MGST1: variants seen among roughly 807,000 people sequenced by gnomAD.
MGST1 encodes the protein microsomal glutathione S-transferase 1.
MGST1 carries 5 observed loss-of-function variants against 8.9 expected under a neutral mutation model. The observed-to-expected ratio is 0.56, with a 90% CI of 0.29 to 1.19. The LOEUF is 1.19. Among genes scored for constraint, MGST1 ranks in the 50% most tolerant of loss-of-function variants. The pLI, the probability that MGST1 is intolerant of heterozygous loss-of-function variation, is 0.08. For missense variants in MGST1, 182 were observed against 187.4 expected, an observed-to-expected ratio of 0.97 and a Z score of 0.17; for synonymous variants, 54 against 67.8, an observed-to-expected ratio of 0.80 and a Z score of 1.00.
chr12:16,449,258 T>C (rs550948037), intron 4 of MGST1, among the ~76,000 whole-genome samples: 48 of 151,970 alleles, frequency 3.2e-4, no homozygotes, highest in African/African-American at 1.1e-3. Context: ...GGGAGGTCAG[T>C]GTATCACATA....
rs1460658960 is a variant in MGST1 at position 16,458,586 on chromosome 12, A to C, written n.482+74982A>C. ...TTTATCAATGAATCTTGGCTGTACA[A>C]GGAAAAGTATTGCTTTAATATGTGT... On this transcript the variant is annotated intron_variant and non_coding_transcript_variant, in intron 4 of 4. Transcript: ENST00000538857. This position sits in a 1 kb window ranked among gnomAD's most constrained non-coding sequence, Gnocchi z 4.0. Among the ~76,000 whole-genome samples, 2 of 152,054 alleles carry C rather than the reference A, an allele frequency of 1.3e-5. No homozygotes were observed. The highest frequency in any genetic ancestry group is 4.8e-5 in the African/African-American group (2 of 41,434).
At chr12:16,461,596 A>C (rs1941221900) in intron 4 of MGST1, among the ~76,000 whole-genome samples, 1 of 152,150 alleles carries the variant, frequency 6.6e-6, no homozygotes, top group African/African-American at 2.4e-5. Context: ...GTCTGTTTCT[A>C]AATAAACATG....
intron 4 of MGST1, among the ~76,000 whole-genome samples, chr12:16,457,017 A>G (rs796344248): frequency 4.6e-5 from 7 of 151,886 alleles, no homozygotes; most frequent in African/African-American, 1.4e-4. Context: ...CTGACTTGTC[A>G]CTCCGTGCAT....
intron 4 of MGST1, among the ~76,000 whole-genome samples, chr12:16,481,732 A>G (rs918735121): frequency 5.9e-5 from 9 of 152,106 alleles, no homozygotes; most frequent in Admixed American, 2.0e-4. Context: ...AATATAAAAT[A>G]ACGGTTATAA....
intron 4 of MGST1, among the ~76,000 whole-genome samples, chr12:16,511,214 T>C (rs1013033852): frequency 6.6e-6 from 1 of 152,268 alleles, no homozygotes; most frequent in South Asian, 2.1e-4. Flanking sequence ...TTATTCCTCC[T>C]GATAGTCATT....
rs528095049 is a variant in MGST1, at chr12:16,546,376, T to C, written n.483-43152T>C. Among the ~76,000 whole-genome samples the C allele has an allele frequency of 6.6e-6, 1 of 152,240 alleles. No individual in the cohort carries two copies. The highest frequency in any genetic ancestry group is 1.5e-5 in the Non-Finnish European group (1 of 67,990). On this transcript the variant is annotated intron_variant and non_coding_transcript_variant, in intron 4 of 4. Coordinates refer to the MGST1 transcript ENST00000538857. This position sits in a 1 kb window ranked among gnomAD's most constrained non-coding sequence, Gnocchi z 4.7. ...CCAAAATATTCTGTAATCACCCCGG[T>C]GATACCAATTTCGAGTATTCAGCTT...
In MGST1 at chr12:16,589,229, T is replaced by A. The variant is rs1176880264; in HGVS notation, n.483-299T>A. On this transcript the variant is annotated intron_variant and non_coding_transcript_variant, in intron 4 of 4. Transcript: ENST00000538857. The surrounding 1 kb of genome is among the most constrained non-coding windows in gnomAD (Gnocchi z 4.2). The stretch of plus-strand genomic sequence containing the variant: ...ATGAAGTGATATTCACAGAAGATTA[T>A]AACAACAGTAGATGAATGCATCCTA... Among the ~76,000 whole-genome samples, 1 of 152,102 alleles carries A rather than the reference T, an allele frequency of 6.6e-6. No homozygotes were observed. The highest frequency in any genetic ancestry group is 1.5e-5 in the Non-Finnish European group (1 of 67,998).
Position 16,560,361 on chromosome 12 carries a change from C to T in MGST1, n.483-29167C>T. 5 of 1,562,468 alleles carry T rather than the reference C, an allele frequency of 3.2e-6. 1 individual carries two copies. The highest frequency in any genetic ancestry group is 2.6e-6 in the Non-Finnish European group (3 of 1,153,134). Reference sequence around the variant, plus strand: ...TAATTTCCACCTATTAAATAAATAGCCAGCACAGAGAGGTTAACCATTTCT... The same window carrying T: ...TAATTTCCACCTATTAAATAAATAGTCAGCACAGAGAGGTTAACCATTTCT... On this transcript the variant is annotated intron_variant and non_coding_transcript_variant, in intron 4 of 4. Transcript: ENST00000538857. The surrounding 1 kb of genome is among the most constrained non-coding windows in gnomAD (Gnocchi z 5.0).
At chr12:16,571,861 A>T (rs552239844) in intron 4 of MGST1, among the ~76,000 whole-genome samples, 2 of 152,206 alleles carry the variant, frequency 1.3e-5, no homozygotes, top group African/African-American at 2.4e-5. Context: ...CTTAAAACTC[A>T]TTGAAAAGGG....
At chr12:16,437,938 A>AT (rs1360150785) in exon 2 of MGST1, 1 of 151,992 alleles carries the variant, frequency 6.6e-6, no homozygotes, top group Non-Finnish European at 1.5e-5. Flanking sequence ...GTCTCAGATT[A>AT]TCCACACAGG....
chr12:16,570,161 T>G (rs1208146131), intron 4 of MGST1, among the ~76,000 whole-genome samples: 1 of 152,176 alleles, frequency 6.6e-6, no homozygotes, highest in African/African-American at 2.4e-5. Context: ...TGATAGTCTA[T>G]TCTATAATGA....
chr12:16,400,107 G>C, intron 1 of MGST1: 1 of 1,563,686 alleles, frequency 6.4e-7, no homozygotes, highest in Non-Finnish European at 8.8e-7. Context: ...TTTTCAGTTT[G>C]TGCCTCATTT....
intron 4 of MGST1, among the ~76,000 whole-genome samples, chr12:16,492,134 T>G (rs138988533): frequency 2.6e-5 from 4 of 152,232 alleles, no homozygotes; most frequent in Non-Finnish European, 5.9e-5. Context: ...AAAAATGGAA[T>G]GATATGTAGG....
At chr12:16,382,578 C>T (rs1940466908), upstream of MGST1, among the ~76,000 whole-genome samples, 1 of 152,164 alleles carries the variant, frequency 6.6e-6, no homozygotes. Context: ...TTAGGCTATT[C>T]GGGGATCAGG....
intron 1 of MGST1, among the ~76,000 whole-genome samples, chr12:16,416,872 T>C (rs1940791494): frequency 6.6e-6 from 1 of 152,236 alleles, no homozygotes; most frequent in African/African-American, 2.4e-5. Flanking sequence ...ATTAGGAATC[T>C]GTAGAATTTG....
intron 1 of MGST1, among the ~76,000 whole-genome samples, chr12:16,386,864 A>T (rs1365830772): frequency 1.3e-5 from 2 of 152,160 alleles, no homozygotes; most frequent in Non-Finnish European, 2.9e-5. Context: ...CCGGCCTGGG[A>T]TGTGAATTAT....
At chr12:16,564,288 T>C (rs1490636812) in intron 4 of MGST1, among the ~76,000 whole-genome samples, 2 of 151,866 alleles carry the variant, frequency 1.3e-5, no homozygotes, top group Non-Finnish European at 2.9e-5. Context: ...TAATAACTTT[T>C]GTGTATGGGT....
At chr12:16,542,260 A>T (rs1941797317) in intron 4 of MGST1, among the ~76,000 whole-genome samples, 1 of 152,214 alleles carries the variant, frequency 6.6e-6, no homozygotes, top group African/African-American at 2.4e-5. Context: ...TTGATTAGGC[A>T]CAACACTGGT....
intron 4 of MGST1, among the ~76,000 whole-genome samples, chr12:16,484,509 A>G (rs753330486): frequency 6.6e-6 from 1 of 152,150 alleles, no homozygotes; most frequent in African/African-American, 2.4e-5. Context: ...TATAAAGAAA[A>G]CGGGTTTAAC....
Sources: gnomAD v4.1 joint callset for allele counts (sites outside exome capture counted in the v4.1 genomes callset) on GRCh38, gnomAD v4.1.1 for gene constraint, Gnocchi (gnomAD v3.1) non-coding constraint, MANE v1.5 for transcripts, NCBI Gene and HGNC (gene_info 2026-07-23, HGNC 2026-07-21) for gene names.